The following UBE2QL1 variants were observed in gnomAD, a reference collection of about 807,000 sequenced individuals.
UBE2QL1 encodes ubiquitin conjugating enzyme E2 QL1.
Under a neutral mutation model 12.6 loss-of-function variants are expected in UBE2QL1, and 5 were observed. The observed-to-expected ratio is 0.40, with a 90% CI of 0.21 to 0.83. The LOEUF (loss-of-function observed/expected upper bound fraction) is 0.83, where lower values mean the gene tolerates loss of function less well. Ranked by LOEUF, UBE2QL1 falls within the 40% of genes least tolerant of loss-of-function variation. The pLI is 0.37. For missense variants in UBE2QL1, 99 were observed against 222.6 expected (o/e 0.44, Z 3.53); for synonymous variants, 96 against 94.5 (o/e 1.02, Z -0.10).
intron 1 of UBE2QL1, among the ~76,000 whole-genome samples, chr5:6,462,137 T>C (rs1426714883): frequency 6.6e-6 from 1 of 152,094 alleles, no homozygotes; most frequent in East Asian, 1.9e-4. Context: ...GCTCCGAGAC[T>C]TCAGAACTGG....
At chr5:6,464,843 C>A (rs147329275) in intron 1 of UBE2QL1, among the ~76,000 whole-genome samples, 1 of 152,200 alleles carries the variant, frequency 6.6e-6, no homozygotes, top group Non-Finnish European at 1.5e-5. Flanking sequence ...CAACAGCATT[C>A]GTAGCTCTGC....
At chr5:6,489,995 G>A (rs985041756) in intron 1 of UBE2QL1, among the ~76,000 whole-genome samples, 64 of 152,346 alleles carry the variant, frequency 4.2e-4, no homozygotes, top group African/African-American at 1.4e-3. Context: ...AACAGCAGGC[G>A]ATGGTTGGTA....
chr5:6,461,084 CT>C (rs1739648209), intron 1 of UBE2QL1, among the ~76,000 whole-genome samples: 1 of 152,150 alleles, frequency 6.6e-6, no homozygotes, highest in South Asian at 2.1e-4. Flanking sequence ...ACGAAAGATC[CT>C]TTCTTTAGTA....
intron 1 of UBE2QL1, among the ~76,000 whole-genome samples, chr5:6,489,845 G>A (rs1182127018): frequency 1.3e-5 from 2 of 152,210 alleles, no homozygotes; most frequent in Non-Finnish European, 2.9e-5. Context: ...GCTGCTGTGT[G>A]TTGTAGGAGC....
At chr5:6,450,427 G>GT (rs1264547668) in intron 1 of UBE2QL1, among the ~76,000 whole-genome samples, 1 of 152,222 alleles carries the variant, frequency 6.6e-6, no homozygotes, top group Non-Finnish European at 1.5e-5. Flanking sequence ...GTCGACTGCG[G>GT]TTGAGTTCTC....
At position 6,476,172 on chromosome 5, in the gene UBE2QL1, C is replaced by T. The variant is rs76704307; in HGVS notation, c.355-15046C>T. The stretch of plus-strand genomic sequence containing the variant: ...CTGGGGCTCCCTTATTCCTAGGAGG[C>T]GGGGCCTGAGCAGGGAGGGGGTGGG... On this transcript the variant is annotated intron_variant, in intron 1 of 1. Coordinates refer to ENST00000399816, the MANE Select transcript of UBE2QL1 (RefSeq NM_001145161.3). This position sits in a 1 kb window ranked among gnomAD's most constrained non-coding sequence, Gnocchi z 4.9. 0.012 allele frequency among the ~76,000 whole-genome samples: 1,765 copies of T among 150,172 alleles called. 10 individuals are homozygous for T. Among genetic ancestry groups the T allele is most frequent in the Non-Finnish European group, 0.013 (896 of 67,502 alleles).
chr5:6,456,926 C>G (rs1426608014), intron 1 of UBE2QL1, among the ~76,000 whole-genome samples: 1 of 151,920 alleles, frequency 6.6e-6, no homozygotes, highest in Non-Finnish European at 1.5e-5. Flanking sequence ...CTCTTCTATT[C>G]CTATTCTTCA....
chr5:6,474,165 T>C (rs1246468653), intron 1 of UBE2QL1, among the ~76,000 whole-genome samples: 3 of 152,254 alleles, frequency 2.0e-5, no homozygotes, highest in Non-Finnish European at 4.4e-5. Context: ...CCTGTAGGGC[T>C]AAAATGATGT....
chr5:6,450,017 T>G (rs1422379568), intron 1 of UBE2QL1, among the ~76,000 whole-genome samples: 1 of 151,986 alleles, frequency 6.6e-6, no homozygotes, highest in Non-Finnish European at 1.5e-5. Context: ...GGTGGAAATT[T>G]TGCTCTTGGG....
chr5:6,485,947 C>T (rs1361084578), intron 1 of UBE2QL1, among the ~76,000 whole-genome samples: 3 of 152,174 alleles, frequency 2.0e-5, no homozygotes, highest in Non-Finnish European at 4.4e-5. Context: ...TGACTGAATA[C>T]GTCATAAAAT....
chr5:6,488,838 C>T (rs1288890942), intron 1 of UBE2QL1, among the ~76,000 whole-genome samples: 4 of 151,654 alleles, frequency 2.6e-5, no homozygotes, highest in African/African-American at 9.7e-5. Flanking sequence ...ATGCTAACAT[C>T]CTCGCAAAGA....
intron 1 of UBE2QL1, among the ~76,000 whole-genome samples, chr5:6,482,850 G>A (rs1734388983): frequency 6.6e-6 from 1 of 152,194 alleles, no homozygotes; most frequent in South Asian, 2.1e-4. Flanking sequence ...GCCCAAGCTG[G>A]GGATGATCCA....
chr5:6,491,341 G>A lies in UBE2QL1; in HGVS notation c.478G>A (p.Asp160Asn), dbSNP rs1206322803. 4.5e-6 allele frequency: 7 copies of A among 1,549,942 alleles called. No homozygotes were observed. The Admixed American group carries it at 5.9e-5, about 13-fold the overall frequency. ...KYGWVTPPVS[D>N]G is the part of the protein sequence containing the mutation. ...TGGTTGGGTCACCCCGCCCGTGTCC[G>A]ACGGCTGATGTCTGCCACGTGCAGT... is the stretch of plus-strand genomic sequence containing the variant. Residue 160 changes from aspartate to asparagine, a missense_variant, in exon 2 of 2, where the codon GAC becomes AAC. By Grantham distance (23) the Asp-to-Asn change is conservative. Coordinates refer to ENST00000399816, the MANE Select transcript of UBE2QL1 (RefSeq NM_001145161.3).
chr5:6,480,133 A>G (rs1374025092), intron 1 of UBE2QL1, among the ~76,000 whole-genome samples: 1 of 152,126 alleles, frequency 6.6e-6, no homozygotes, highest in East Asian at 1.9e-4. Context: ...CTTCTCTTAC[A>G]TCTGTGACCC....
chr5:6,474,330 G>A (rs1734167702), intron 1 of UBE2QL1, among the ~76,000 whole-genome samples: 1 of 152,222 alleles, frequency 6.6e-6, no homozygotes, highest in Non-Finnish European at 1.5e-5. Flanking sequence ...TATAGCCGGA[G>A]AAGGTTGGGA....
In UBE2QL1 at chr5:6,483,613, G is replaced by A. The variant is rs189859894; in HGVS notation, c.355-7605G>A. 4.2e-3 allele frequency among the ~76,000 whole-genome samples: 638 copies of A among 152,294 alleles called. 2 individuals are homozygous for A. The highest frequency in any genetic ancestry group is 7.3e-3 in the Non-Finnish European group (494 of 68,032). ...TCTCCTGGACACGCACAGCCCTTCCGTCCCAGTTCCAGGCCTGGAAACATT... is the reference window on the plus strand; with the variant it reads ...TCTCCTGGACACGCACAGCCCTTCCATCCCAGTTCCAGGCCTGGAAACATT... On this transcript the variant is annotated intron_variant, in intron 1 of 1. Transcript: ENST00000399816.
intron 1 of UBE2QL1, among the ~76,000 whole-genome samples, chr5:6,463,643 T>TTATTA (rs1314587860): frequency 0.03 from 2,637 of 87,142 alleles, 36 homozygotes; most frequent in Non-Finnish European, 0.044. Flanking sequence ...TATTATTATT[T>TTATTA]TTGATGCGGA....
intron 1 of UBE2QL1, among the ~76,000 whole-genome samples, chr5:6,466,990 C>T (rs965627205): frequency 6.6e-6 from 1 of 152,140 alleles, no homozygotes; most frequent in Non-Finnish European, 1.5e-5. Flanking sequence ...GACTGTCACC[C>T]GGCACATGAG....
chr5:6,472,569 C>T (rs114519192), intron 1 of UBE2QL1, among the ~76,000 whole-genome samples: 1,852 of 152,270 alleles, frequency 0.012, 42 homozygotes, highest in African/African-American at 0.042. Flanking sequence ...GTCAGCCATT[C>T]AGGTCTCTTC....
Sources: allele counts gnomAD v4.1 joint callset (sites outside exome capture counted in the v4.1 genomes callset), GRCh38; gene constraint gnomAD v4.1.1; non-coding constraint Gnocchi (gnomAD v3.1); transcripts MANE v1.5; gene names NCBI Gene and HGNC (gene_info 2026-07-23, HGNC 2026-07-21).